TNRC6B: variants seen among roughly 807,000 people sequenced by gnomAD.
TNRC6B encodes the protein trinucleotide repeat containing adaptor 6B, also known as trinucleotide repeat-containing gene 6B protein.
A neutral mutation model predicts 203.6 loss-of-function variants in TNRC6B; 52 were observed. That is an observed-to-expected ratio of 0.26 (90% CI 0.20 to 0.32). The LOEUF is 0.32. TNRC6B is among the 10% of genes least tolerant of loss of function. TNRC6B has a pLI of 1.00. For synonymous variants in TNRC6B, 838 were observed against 845.7 expected, an observed-to-expected ratio of 0.99 and a Z score of 0.16; for missense variants, 1,923 against 2,286.2, an observed-to-expected ratio of 0.84 and a Z score of 3.24.
At chr22:40,099,730 A>T (rs1007084938) in intron 1 of TNRC6B, among the ~76,000 whole-genome samples, 3 of 152,182 alleles carry the variant, frequency 2.0e-5, no homozygotes, top group African/African-American at 4.8e-5. Context: ...CAAGTTATAC[A>T]CAAATACTTC....
intron 3 of TNRC6B, among the ~76,000 whole-genome samples, chr22:40,148,482 C>G (rs2068715339): frequency 6.6e-6 from 1 of 152,040 alleles, no homozygotes; most frequent in South Asian, 2.1e-4. Context: ...TGGAGTTTCA[C>G]CATGTTGGCC....
intron 15 of TNRC6B, among the ~76,000 whole-genome samples, chr22:40,304,201 A>G (rs572296606): frequency 6.6e-6 from 1 of 152,364 alleles, no homozygotes; most frequent in Non-Finnish European, 1.5e-5. Flanking sequence ...TGTCTTGATA[A>G]AGCCTCTTTG....
At chr22:40,148,323 T>C (rs1017866110) in intron 3 of TNRC6B, among the ~76,000 whole-genome samples, 1 of 151,128 alleles carries the variant, frequency 6.6e-6, no homozygotes, top group African/African-American at 2.4e-5. Flanking sequence ...CTTGCTCTGT[T>C]GCCAGGCTGC....
At chr22:40,204,542 G>C (rs116381407) in intron 1 of TNRC6B, among the ~76,000 whole-genome samples, 1 of 152,178 alleles carries the variant, frequency 6.6e-6, no homozygotes, top group African/African-American at 2.4e-5. Flanking sequence ...AGTGACTAGC[G>C]AGCGTAAATT....
At chr22:40,179,118 A>G (rs552269755) in intron 1 of TNRC6B, among the ~76,000 whole-genome samples, 1 of 152,188 alleles carries the variant, frequency 6.6e-6, no homozygotes, top group African/African-American at 2.4e-5. Context: ...GTAGCAGTCT[A>G]TGTGATTGTT....
intron 1 of TNRC6B, among the ~76,000 whole-genome samples, chr22:40,231,880 C>G (rs1239623360): frequency 6.6e-6 from 1 of 152,188 alleles, no homozygotes; most frequent in Non-Finnish European, 1.5e-5. Flanking sequence ...GCCTATGTGT[C>G]TTTTTGCAAC....
intron 1 of TNRC6B, among the ~76,000 whole-genome samples, chr22:40,083,576 T>C (rs925231065): frequency 6.6e-6 from 1 of 152,138 alleles, no homozygotes; most frequent in Non-Finnish European, 1.5e-5. Context: ...GTTTATCTTT[T>C]TAAGATGGGA....
Position 40,270,228 on chromosome 22 carries a change from G to A in TNRC6B, c.2913G>A (p.Ser971=), listed in dbSNP as rs1324309703. ...GWGEMDDTGA[S]TTGWGNTPAN... is the part of the protein sequence containing the mutation. ...GCGAGATGGATGATACAGGAGCATC[G>A]ACCACAGGCTGGGGGAACACGCCCG... Residue 971 remains serine, a synonymous_variant, in exon 6 of 23, where the codon TCG becomes TCA. Coordinates refer to ENST00000454349, the MANE Select transcript of TNRC6B (RefSeq NM_001162501.2). The A allele has an allele frequency of 1.3e-6, 2 of 1,523,874 alleles. No homozygotes were observed. Among genetic ancestry groups the A allele is most frequent in the Non-Finnish European group, 1.8e-6 (2 of 1,130,836 alleles). The allele number at this position is 1,523,874 out of a possible 1,614,324, so 94.4% of individuals were successfully genotyped here.
intron 1 of TNRC6B, among the ~76,000 whole-genome samples, chr22:40,215,210 C>G (rs1168219128): frequency 6.6e-6 from 1 of 152,136 alleles, no homozygotes; most frequent in African/African-American, 2.4e-5. Context: ...TGTCCTAGAT[C>G]CGATACATAT....
chr22:40,051,013 T>TG (rs2067739970), intron 1 of TNRC6B, among the ~76,000 whole-genome samples: 1 of 152,002 alleles, frequency 6.6e-6, no homozygotes, highest in Admixed American at 6.6e-5. Flanking sequence ...TTAGTAAAGA[T>TG]GGGGTTTCAC....
intron 4 of TNRC6B, among the ~76,000 whole-genome samples, chr22:40,164,663 G>A (rs1373158850): frequency 6.7e-6 from 1 of 149,406 alleles, no homozygotes; most frequent in Non-Finnish European, 1.5e-5. Context: ...CTAGGAGGCT[G>A]AGGCAGGAGA....
intron 6 of TNRC6B, among the ~76,000 whole-genome samples, chr22:40,272,881 T>C (rs1371743149): frequency 6.6e-6 from 1 of 152,254 alleles, no homozygotes; most frequent in African/African-American, 2.4e-5. Context: ...TGAATTTTTC[T>C]TCTTTCACCA....
Position 40,312,503 on chromosome 22 carries a change from A to G in TNRC6B, c.4436-2A>G. The G allele has an allele frequency of 6.2e-7, 1 of 1,602,266 alleles. No homozygotes were observed. The highest frequency in any genetic ancestry group is 8.5e-7 in the Non-Finnish European group (1 of 1,176,494). On this transcript the variant is annotated splice_acceptor_variant, in intron 17 of 22. Coordinates refer to ENST00000454349, the MANE Select transcript of TNRC6B (RefSeq NM_001162501.2). LOFTEE classifies it high-confidence loss of function. Reference sequence around the variant, plus strand: ...CTCTAATATTTGTTTTCCTTGTCTCAGAATTCCAACCAGGAGTGCCATGGA... The same window carrying G: ...CTCTAATATTTGTTTTCCTTGTCTCGGAATTCCAACCAGGAGTGCCATGGA...
intron 1 of TNRC6B, among the ~76,000 whole-genome samples, chr22:40,210,297 C>T (rs561901426): frequency 2.7e-4 from 41 of 152,328 alleles, no homozygotes; most frequent in African/African-American, 8.9e-4. Flanking sequence ...TAAGAAAAAG[C>T]TGTTGTCTCT....
chr22:40,258,593 G>T (rs1360772315), intron 3 of TNRC6B, among the ~76,000 whole-genome samples: 1 of 152,018 alleles, frequency 6.6e-6, no homozygotes, highest in South Asian at 2.1e-4. Flanking sequence ...TGGAGGTTTT[G>T]TTTTTTTCTT....
chr22:40,140,956 A>G (rs1331621070), intron 3 of TNRC6B, among the ~76,000 whole-genome samples: 1 of 152,042 alleles, frequency 6.6e-6, no homozygotes, highest in Non-Finnish European at 1.5e-5. Context: ...TTATATTTTT[A>G]TATTCTTTAT....
chr22:40,191,420 C>A (rs1950864404), intron 1 of TNRC6B, among the ~76,000 whole-genome samples: 1 of 151,892 alleles, frequency 6.6e-6, no homozygotes. Context: ...CTGTTTCAGG[C>A]AGAAGAAATA....
At chr22:40,244,087 C>G (rs1402236235) in intron 1 of TNRC6B, among the ~76,000 whole-genome samples, 1 of 152,112 alleles carries the variant, frequency 6.6e-6, no homozygotes, top group Non-Finnish European at 1.5e-5. Context: ...TGAGGAACCC[C>G]ATCCACTCCT....
At chr22:40,058,016 T>A (rs1323941559) in intron 1 of TNRC6B, among the ~76,000 whole-genome samples, 1 of 152,252 alleles carries the variant, frequency 6.6e-6, no homozygotes, top group Non-Finnish European at 1.5e-5. Context: ...TATACAAGTT[T>A]TATATTTTTA....
Sources: allele counts gnomAD v4.1 joint callset (sites outside exome capture counted in the v4.1 genomes callset), GRCh38; gene constraint gnomAD v4.1.1; transcripts MANE v1.5; gene names NCBI Gene and HGNC (gene_info 2026-07-23, HGNC 2026-07-21).